The following TMC6 variants were observed in gnomAD, a reference collection of about 807,000 sequenced individuals.
TMC6 encodes transmembrane channel-like protein 6.
A neutral mutation model predicts 95.4 loss-of-function variants in TMC6; 71 were observed. That is an observed-to-expected ratio of 0.74 (90% CI 0.61 to 0.91). The LOEUF (loss-of-function observed/expected upper bound fraction) is 0.91, where lower values mean the gene tolerates loss of function less well. Ranked by LOEUF, TMC6 falls within the 40% of genes least tolerant of loss-of-function variation. The pLI, the probability that TMC6 is intolerant of heterozygous loss-of-function variation, is 0.00. For missense variants in TMC6, 1,074 were observed against 1,079.1 expected (o/e 1.00, Z 0.07); for synonymous variants, 514 against 483.1 (o/e 1.06, Z -0.84).
Position 78,126,313 on chromosome 17 carries a change from G to C in TMC6, c.235C>G (p.Leu79Val). The change falls in exon 4 of 20, where the codon CTC (leucine) becomes GTC (valine). Residue 79 changes from leucine to valine, a missense_variant. Coordinates refer to ENST00000590602, the MANE Select transcript of TMC6 (RefSeq NM_001127198.5). ...RPEGTQSTATLRILASMPSRT... is the reference protein window; with the variant it reads ...RPEGTQSTATVRILASMPSRT... ...CTGGGCATGCTGGCCAGGATGCGGA[G>C]TGTGGCCGTGCTCTGGGTGCCCTCG... 6.4e-7 allele frequency: 1 copy of C among 1,570,244 alleles called. No individual in the cohort carries two copies. The highest frequency in any genetic ancestry group is 8.6e-7 in the Non-Finnish European group (1 of 1,162,420).
intron 18 of TMC6, 51 bp from the exon 19 acceptor site, chr17:78,113,675 C>G: frequency 6.3e-7 from 1 of 1,590,972 alleles, no homozygotes; most frequent in East Asian, 2.2e-5. Context: ...TCAGCCCATC[C>G]AGAGCCATCC....
upstream of TMC6, among the ~76,000 whole-genome samples, chr17:78,130,337 C>G (rs2145530234): frequency 6.6e-6 from 1 of 152,322 alleles, no homozygotes; most frequent in South Asian, 2.1e-4. Context: ...GTGAGGCCGG[C>G]AGATAAAGAG....
intron 15 of TMC6, 44 bp from the exon 16 acceptor site, chr17:78,117,979 A>G (rs773418155): frequency 2.5e-6 from 4 of 1,573,302 alleles, no homozygotes; most frequent in African/African-American, 2.7e-5. Context: ...GCTACCCCTC[A>G]GCACCCCTCC....
chr17:78,109,436 G>A lies in TMC6; in HGVS notation c.*3712C>T. The A allele has an allele frequency of 2.2e-6, 1 of 456,592 alleles. No homozygotes were observed. 28.3% of individuals were successfully genotyped at this position (456,592 alleles called of 1,614,324 possible). A position where few individuals can be genotyped will look rare whatever the true frequency, so the allele number is the denominator to read the frequency against. On this transcript the variant is annotated 3_prime_UTR_variant, in exon 20 of 20. Coordinates refer to ENST00000590602, the MANE Select transcript of TMC6 (RefSeq NM_001127198.5). ...GCTTCTCGGCGGAGCTGTGGCTGAT[G>A]GGCTCCTGGTGCAGGACTGGCCCCT...
chr17:78,115,265 T>C (rs1345867169), intron 18 of TMC6, among the ~76,000 whole-genome samples: 1 of 152,198 alleles, frequency 6.6e-6, no homozygotes, highest in Non-Finnish European at 1.5e-5. Flanking sequence ...CGAGGCCCAC[T>C]GGCTGCACCC....
chr17:78,125,489 G>A (rs892878981), intron 5 of TMC6, among the ~76,000 whole-genome samples: 11 of 152,228 alleles, frequency 7.2e-5, no homozygotes, highest in Non-Finnish European at 5.9e-5. Context: ...TCCCCGACTC[G>A]GGGCCCAGGG....
chr17:78,115,048 G>A (rs114102836), intron 18 of TMC6, among the ~76,000 whole-genome samples: 1 of 152,334 alleles, frequency 6.6e-6, no homozygotes, highest in African/African-American at 2.4e-5. Context: ...AATATCTACA[G>A]CCAGACAACC....
rs1160102908 is a variant in TMC6, at chr17:78,111,502, G to C, written c.*1646C>G. Reference sequence around the variant, plus strand: ...CTGTGGACTGTCACGTCACTTTCTGGACTGCCCACGCAGCTTCACCCAGCA... The same window carrying C: ...CTGTGGACTGTCACGTCACTTTCTGCACTGCCCACGCAGCTTCACCCAGCA... On this transcript the variant is annotated 3_prime_UTR_variant, in exon 20 of 20. Coordinates refer to ENST00000590602, the MANE Select transcript of TMC6 (RefSeq NM_001127198.5). The C allele has an allele frequency of 6.6e-6, 1 of 152,442 alleles. No homozygotes were observed. Among genetic ancestry groups the C allele is most frequent in the Admixed American group, 6.5e-5 (1 of 15,296 alleles). The allele number at this position is 152,442 out of a possible 1,614,324, so 9.4% of individuals were successfully genotyped here.
upstream of TMC6, chr17:78,131,341 A>T: frequency 1.7e-6 from 1 of 591,608 alleles, no homozygotes; most frequent in Non-Finnish European, 3.0e-6. Context: ...GCTGGGCCCG[A>T]ATTCGACCGC....
chr17:78,117,047 G>C (rs1274484756), intron 18 of TMC6, among the ~76,000 whole-genome samples: 1 of 152,258 alleles, frequency 6.6e-6, no homozygotes, highest in Non-Finnish European at 1.5e-5. Flanking sequence ...CCTGGTCCCA[G>C]TGGGGCCCTG....
At chr17:78,130,062 G>A (rs2074919275), upstream of TMC6, among the ~76,000 whole-genome samples, 1 of 152,204 alleles carries the variant, frequency 6.6e-6, no homozygotes, top group African/African-American at 2.4e-5. Context: ...GGTAGAGAGG[G>A]AGCAGAGAGG....
In TMC6 at chr17:78,121,044, G is replaced by A. The variant is rs1187539836; in HGVS notation, c.1504C>T (p.Pro502Ser). 3 of 1,613,354 alleles carry A rather than the reference G, an allele frequency of 1.9e-6. No individual in the cohort carries two copies. In the South Asian group the frequency reaches 3.3e-5, roughly 18 times the overall value. The stretch of plus-strand genomic sequence containing the variant: ...ATGGCCACGTACACCTCCAGTACCG[G>A]GGAGTCATGCGGCTCCAGGGCGGCC... ...VLAALEPHDSPVLEVYVAICR... is the reference protein window; with the variant it reads ...VLAALEPHDSSVLEVYVAICR... The change falls in exon 12 of 20, where the codon CCG (proline) becomes TCG (serine). Residue 502 changes from proline (P) to serine (S), a missense_variant. By Grantham distance (74) the Pro-to-Ser change is moderately conservative (BLOSUM62 -1). Transcript: ENST00000590602. This position sits in a 1 kb window ranked among gnomAD's most constrained non-coding sequence, Gnocchi z 5.6.
chr17:78,127,368 A>C (rs1598879810), intron 1 of TMC6, among the ~76,000 whole-genome samples: 1 of 151,514 alleles, frequency 6.6e-6, no homozygotes, highest in East Asian at 1.9e-4. Context: ...TGGAGCCCTC[A>C]CCCCCAACCA....
At chr17:78,123,802 T>G (rs541336087) in intron 9 of TMC6, among the ~76,000 whole-genome samples, 187 bp downstream of exon 9, 1 of 150,718 alleles carries the variant, frequency 6.6e-6, no homozygotes, top group African/African-American at 2.5e-5. Context: ...AATGGGTGGA[T>G]GGGTGGGTAG....
rs569315829 is a variant in TMC6 at position 78,110,522 on chromosome 17, T to G, written c.*2626A>C. 2 of 152,188 alleles carry G rather than the reference T, an allele frequency of 1.3e-5. No individual in the cohort carries two copies. Among genetic ancestry groups the G allele is most frequent in the Non-Finnish European group, 1.5e-5 (1 of 68,046 alleles). 9.4% of individuals were successfully genotyped at this position (152,188 alleles called of 1,614,324 possible). A position where few individuals can be genotyped will look rare whatever the true frequency, so the allele number is the denominator to read the frequency against. ...TCAAGCAATCCTCCGCCTCAGCCTCTGGAGCAGCTGCAATTACAGACAGGC... is the reference window on the plus strand; with the variant it reads ...TCAAGCAATCCTCCGCCTCAGCCTCGGGAGCAGCTGCAATTACAGACAGGC... On this transcript the variant is annotated 3_prime_UTR_variant, in exon 20 of 20. Transcript: ENST00000590602.
At chr17:78,129,279 AAGG>A (rs2145507334), upstream of TMC6, among the ~76,000 whole-genome samples, 1 of 152,028 alleles carries the variant, frequency 6.6e-6, no homozygotes, top group East Asian at 1.9e-4. This position sits in a 1 kb window ranked among gnomAD's most constrained non-coding sequence, Gnocchi z 4.3. Context: ...AGGGGATGAA[AAGG>A]AGGACACGCT....
In TMC6 at chr17:78,121,636, C is replaced by G; in HGVS notation, c.1303G>C (p.Gly435Arg). The change falls in exon 11 of 20, where the codon GGG becomes CGG. Residue 435 changes from glycine to arginine, a missense_variant. Transcript: ENST00000590602. This position sits in a 1 kb window ranked among gnomAD's most constrained non-coding sequence, Gnocchi z 5.6. ...CCCAGACACAGCAGCCACACAAGCC[C>G]CAGCACAGCCGCCTGCCGCAGCCTC... ...CGRLRQAAVL[G>R]LVWLLCLGTA... 1 of 1,608,092 alleles carries G rather than the reference C, an allele frequency of 6.2e-7. No individual in the cohort carries two copies. The highest frequency in any genetic ancestry group is 8.5e-7 in the Non-Finnish European group (1 of 1,178,696).
At chr17:78,113,651 G>A (rs759719274) in intron 18 of TMC6, 27 bp from the exon 19 acceptor site, 3 of 1,611,110 alleles carry the variant, frequency 1.9e-6, no homozygotes, top group South Asian at 1.1e-5. Flanking sequence ...ACAAAGGGGA[G>A]GAGAAATCAT....
At chr17:78,116,854 T>C (rs1455637650) in intron 18 of TMC6, among the ~76,000 whole-genome samples, 1 of 152,188 alleles carries the variant, frequency 6.6e-6, no homozygotes, top group African/African-American at 2.4e-5. Context: ...CACTCCAGCC[T>C]GGGTGACAGA....
Sources: gnomAD v4.1 joint callset for allele counts (sites outside exome capture counted in the v4.1 genomes callset) on GRCh38, gnomAD v4.1.1 for gene constraint, Gnocchi (gnomAD v3.1) non-coding constraint, MANE v1.5 for transcripts, NCBI Gene and HGNC (gene_info 2026-07-23, HGNC 2026-07-21) for gene names.